Variants in TSPO observed in about 807,000 individuals in gnomAD.
The protein encoded by TSPO is benzodiazepine peripheral binding site.
TSPO carries 14 observed loss-of-function variants against 13.9 expected under a neutral mutation model. That is an observed-to-expected ratio of 1.01 (90% CI 0.67 to 1.58). The LOEUF is 1.58. TSPO is among the 40% of genes most tolerant of loss of function. The probability of loss-of-function intolerance (pLI) is 0.00; values close to 1 mark genes in which losing one functional copy is unlikely to be tolerated. For missense variants in TSPO, 232 were observed against 229.6 expected, an observed-to-expected ratio of 1.01 and a Z score of -0.07; for synonymous variants, 114 against 105.9, an observed-to-expected ratio of 1.08 and a Z score of -0.47.
At chr22:43,155,161 T>A (rs997618795) in intron 1 of TSPO, among the ~76,000 whole-genome samples, 6 of 152,186 alleles carry the variant, frequency 3.9e-5, no homozygotes, top group African/African-American at 1.2e-4. Context: ...TAGAAAGTTC[T>A]GTGACTTCTC....
chr22:43,161,079 G>A lies in TSPO; in HGVS notation c.210G>A (p.Glu70=). 1 of 1,614,152 alleles carries A rather than the reference G, an allele frequency of 6.2e-7. No homozygotes were observed. The part of the protein sequence containing the change: ...MGYGSYLVWK[E]LGGFTEKAVV... ...ACGGCTCCTACCTGGTCTGGAAAGA[G>A]CTGGGAGGCTTCACAGAGAAGGCTG... The change falls in exon 3 of 4, where the codon GAG becomes GAA. Residue 70 remains glutamate (E), a synonymous_variant. Transcript: ENST00000337554.
In TSPO at chr22:43,162,231, C is replaced by T. The variant is rs139088397; in HGVS notation, c.322-572C>T. On this transcript the variant is annotated intron_variant, in intron 3 of 3. Transcript: ENST00000337554. The stretch of plus-strand genomic sequence containing the variant: ...CCGTCTCCCAGGTTCAAGCAATTCT[C>T]CTGCCTCAGCCTCCTGAGTAGCTGG... 7.2e-3 allele frequency among the ~76,000 whole-genome samples: 1,091 copies of T among 152,248 alleles called. 14 individuals are homozygous for T. The highest frequency in any genetic ancestry group is 0.023 in the African/African-American group (972 of 41,532).
chr22:43,159,734 C>T (rs1222519307), intron 2 of TSPO: 5 of 308,116 alleles, frequency 1.6e-5, no homozygotes, highest in African/African-American at 2.1e-5. Context: ...AGATTAACAA[C>T]GGCAGCAACA....
intron 3 of TSPO, 142 bp downstream of exon 3, chr22:43,161,332 C>G (rs1349830074): frequency 1.6e-6 from 2 of 1,261,398 alleles, no homozygotes; most frequent in Non-Finnish European, 2.1e-6. Context: ...GTAAGCAGCC[C>G]ACACCCTGGA....
chr22:43,161,230 C>T lies in TSPO; in HGVS notation c.321+40C>T, dbSNP rs749497035. ...AGCATGTGTCCCTGATCCCTGGATC[C>T]GACCCTTGGAGGACGTGGGGCATCA... On this transcript the variant is annotated intron_variant, in intron 3 of 3. Coordinates refer to ENST00000337554, the MANE Select transcript of TSPO (RefSeq NM_000714.6). 22 of 1,586,786 alleles carry T rather than the reference C, an allele frequency of 1.4e-5. 1 individual carries two copies. Among genetic ancestry groups the T allele is most frequent in the South Asian group, 1.0e-4 (9 of 88,614 alleles).
rs1366741541 is a variant in TSPO at position 43,159,314 on chromosome 22, G to C, written c.76G>C (p.Val26Leu). Residue 26 changes from valine to leucine, a missense_variant, in exon 2 of 4, where the codon GTC becomes CTC. Coordinates refer to ENST00000337554, the MANE Select transcript of TSPO (RefSeq NM_000714.6). ...GGGGTGCTTCGTGGGCTCCCGCTTT[G>C]TCCACGGCGAGGGTCTCCGCTGGTA... Reference protein sequence around the residue: ...SLGCFVGSRFVHGEGLRWYAG... With the variant: ...SLGCFVGSRFLHGEGLRWYAG... 2.6e-6 allele frequency: 4 copies of C among 1,550,146 alleles called. No homozygotes were observed. Among genetic ancestry groups the C allele is most frequent in the Non-Finnish European group, 3.5e-6 (4 of 1,147,274 alleles).
chr22:43,155,283 G>A (rs551215389), intron 1 of TSPO, among the ~76,000 whole-genome samples: 2 of 152,310 alleles, frequency 1.3e-5, no homozygotes, highest in East Asian at 3.9e-4. Context: ...CTGCTGTGGG[G>A]ACTGAACAAG....
At chr22:43,159,977 G>A (rs1358397526) in intron 2 of TSPO, among the ~76,000 whole-genome samples, 1 of 152,170 alleles carries the variant, frequency 6.6e-6, no homozygotes, top group Non-Finnish European at 1.5e-5. Context: ...GCTGTAGCGG[G>A]GACCACACCC....
intron 2 of TSPO, among the ~76,000 whole-genome samples, chr22:43,160,717 C>T (rs1931407692): frequency 6.6e-6 from 1 of 152,220 alleles, no homozygotes; most frequent in African/African-American, 2.4e-5. Context: ...CCAAATGTCC[C>T]ATCCTCTATG....
chr22:43,161,651 C>T (rs1356693789), intron 3 of TSPO, among the ~76,000 whole-genome samples: 1 of 151,732 alleles, frequency 6.6e-6, no homozygotes, highest in Non-Finnish European at 1.5e-5. Context: ...CCACTCCTGG[C>T]TAATTTTTGT....
intron 1 of TSPO, 27 bp from the exon 2 acceptor site, chr22:43,159,183 C>A: frequency 6.9e-7 from 1 of 1,447,890 alleles, no homozygotes; most frequent in Admixed American, 2.5e-5. Context: ...CAGGAATGCC[C>A]TCACCCAGCC....
At chr22:43,152,837 G>A (rs1931115948) in intron 1 of TSPO, among the ~76,000 whole-genome samples, 1 of 152,194 alleles carries the variant, frequency 6.6e-6, no homozygotes, top group Non-Finnish European at 1.5e-5. Flanking sequence ...GAGTGTGTGT[G>A]TGCACATGTG....
intron 3 of TSPO, among the ~76,000 whole-genome samples, chr22:43,162,041 C>T (rs1362781419): frequency 6.6e-6 from 1 of 151,998 alleles, no homozygotes; most frequent in Non-Finnish European, 1.5e-5. Flanking sequence ...GACTCCACCT[C>T]CCAGGTTCAA....
chr22:43,157,302 AGGGAGGGGCGGGGCAGGAGGGAGC>A (rs1379506952), intron 1 of TSPO, among the ~76,000 whole-genome samples: 16 of 59,428 alleles, frequency 2.7e-4, no homozygotes, highest in Middle Eastern at 6.1e-3. Context: ...GCGGGGCAGG[AGGGAGGGGCGGGGCAGGAGGGAGC>A]GGGAGGGAGA....
intron 1 of TSPO, among the ~76,000 whole-genome samples, chr22:43,155,620 C>T (rs758602421): frequency 2.0e-5 from 3 of 152,148 alleles, no homozygotes; most frequent in African/African-American, 7.2e-5. Context: ...TTCAGGGAAA[C>T]GTTGTTGTCC....
chr22:43,152,678 C>T (rs1931110124), intron 1 of TSPO, among the ~76,000 whole-genome samples: 1 of 152,258 alleles, frequency 6.6e-6, no homozygotes, highest in African/African-American at 2.4e-5. Flanking sequence ...CTGGCAGCCC[C>T]ACAGGGAGGT....
At chr22:43,153,081 T>C (rs549274445) in intron 1 of TSPO, among the ~76,000 whole-genome samples, 26 of 131,874 alleles carry the variant, frequency 2.0e-4, no homozygotes, top group Non-Finnish European at 3.0e-4. Context: ...TCTTTCTTTC[T>C]TTCTTTCCTT....
At chr22:43,152,540 C>T (rs959474499) in intron 1 of TSPO, among the ~76,000 whole-genome samples, 1 of 152,244 alleles carries the variant, frequency 6.6e-6, no homozygotes, top group Admixed American at 6.5e-5. Context: ...TCTGTGGAGT[C>T]GGTGGGGCCC....
chr22:43,156,098 G>T (rs1298037937), intron 1 of TSPO, among the ~76,000 whole-genome samples: 1 of 152,242 alleles, frequency 6.6e-6, no homozygotes, highest in African/African-American at 2.4e-5. Context: ...GAGCCCCTTG[G>T]CCCTGTGGGT....
Sources: allele counts gnomAD v4.1 joint callset (sites outside exome capture counted in the v4.1 genomes callset), GRCh38; gene constraint gnomAD v4.1.1; transcripts MANE v1.5; gene names NCBI Gene and HGNC (gene_info 2026-07-23, HGNC 2026-07-21).